CARS2: variants seen among roughly 807,000 people sequenced by gnomAD.
The protein encoded by CARS2 is probable cysteine--tRNA ligase, mitochondrial.
CARS2 carries 52 observed loss-of-function variants against 68.8 expected under a neutral mutation model. The observed-to-expected ratio is 0.76, with a 90% CI of 0.61 to 0.95. The LOEUF is 0.95. Ranked by LOEUF, CARS2 falls within the 40% of genes least tolerant of loss-of-function variation. CARS2 has a pLI of 0.00. For missense variants in CARS2, 780 were observed against 754.2 expected, an observed-to-expected ratio of 1.03 and a Z score of -0.40; for synonymous variants, 314 against 303.6, an observed-to-expected ratio of 1.03 and a Z score of -0.36.
rs1179320630 is a variant in CARS2 at position 110,653,698 on chromosome 13, G to C, written c.988-2598C>G. ...TCTTGCGGGGGCGGGCGCTACTGCA[G>C]CGAGCTATAGTAGTAGTTCTAATAG... On this transcript the variant is annotated intron_variant, in intron 9 of 14. Transcript: ENST00000257347. This position sits in a 1 kb window ranked among gnomAD's most constrained non-coding sequence, Gnocchi z 5.6. Among the ~76,000 whole-genome samples the C allele has an allele frequency of 6.6e-6, 1 of 152,222 alleles. No homozygotes were observed. The highest frequency in any genetic ancestry group is 1.5e-5 in the Non-Finnish European group (1 of 68,042).
intron 11 of CARS2, chr13:110,646,763 A>C: frequency 4.0e-6 from 1 of 247,260 alleles, no homozygotes. Flanking sequence ...CCCCAGGCAC[A>C]CTTCCTGCCA....
In CARS2 at chr13:110,665,059, G is replaced by A. The variant is rs545174092; in HGVS notation, c.920-1541C>T. On this transcript the variant is annotated intron_variant, in intron 8 of 14. Transcript: ENST00000257347. The surrounding 1 kb of genome is among the most constrained non-coding windows in gnomAD (Gnocchi z 4.3). Reference sequence around the variant, plus strand: ...GGAGAACAGGTGTCACTTCTCCTGCGTCAGGAGACACTGATGTTTTGTTTG... The same window carrying A: ...GGAGAACAGGTGTCACTTCTCCTGCATCAGGAGACACTGATGTTTTGTTTG... 2.6e-5 allele frequency: 26 copies of A among 985,350 alleles called. No homozygotes were observed. Among genetic ancestry groups the A allele is most frequent in the African/African-American group, 2.1e-4 (12 of 57,342 alleles). 61.0% of individuals were successfully genotyped at this position (985,350 alleles called of 1,614,324 possible). A position where few individuals can be genotyped will look rare whatever the true frequency, so the allele number is the denominator to read the frequency against.
intron 7 of CARS2, among the ~76,000 whole-genome samples, chr13:110,673,507 T>C (rs2062860618): frequency 6.6e-6 from 1 of 152,114 alleles, no homozygotes; most frequent in Non-Finnish European, 1.5e-5. Context: ...TTGACAAAAT[T>C]CAACAGCCCT....
Position 110,670,829 on chromosome 13 carries a change from G to C in CARS2, c.786-3356C>G, listed in dbSNP as rs935217127. Reference sequence around the variant, plus strand: ...TAAAAACCTTCAAAAAAGATTAGACGAATGGCTAACCAGAATAAACAGCAT... The same window carrying C: ...TAAAAACCTTCAAAAAAGATTAGACCAATGGCTAACCAGAATAAACAGCAT... On this transcript the variant is annotated intron_variant, in intron 7 of 14. Coordinates refer to ENST00000257347, the MANE Select transcript of CARS2 (RefSeq NM_024537.4). This position sits in a 1 kb window ranked among gnomAD's most constrained non-coding sequence, Gnocchi z 4.1. Among the ~76,000 whole-genome samples, 6 of 152,106 alleles carry C rather than the reference G, an allele frequency of 3.9e-5. No individual in the cohort carries two copies. The highest frequency in any genetic ancestry group is 1.4e-4 in the African/African-American group (6 of 41,410).
chr13:110,691,987 GAAAA>G (rs36121848), intron 3 of CARS2, among the ~76,000 whole-genome samples: 3 of 76,862 alleles, frequency 3.9e-5, no homozygotes, highest in African/African-American at 1.6e-4. Context: ...AAGCTGTGCA[GAAAA>G]AAAAAAAAAA....
In CARS2 at chr13:110,644,707, CAT is replaced by C. The variant is rs753744770; in HGVS notation, c.1318-226_1318-225del. The C allele has an allele frequency of 1.2e-4, 82 of 675,834 alleles. 1 individual carries two copies. Among genetic ancestry groups the C allele is most frequent in the Non-Finnish European group, 1.6e-4 (70 of 433,996 alleles). The allele number at this position is 675,834 out of a possible 1,614,324, so 41.9% of individuals were successfully genotyped here. The stretch of plus-strand genomic sequence containing the variant: ...CTTGTGCCTCAGTTTACCCATCAGT[CAT>C]GTGGGTGGTGACTAGCTCATCAGGC... On this transcript the variant is annotated intron_variant, in intron 12 of 14. Coordinates refer to ENST00000257347, the MANE Select transcript of CARS2 (RefSeq NM_024537.4).
intron 7 of CARS2, among the ~76,000 whole-genome samples, chr13:110,671,430 A>AT (rs2062801002): frequency 6.6e-6 from 1 of 152,230 alleles, no homozygotes; most frequent in African/African-American, 2.4e-5. Context: ...AAAGAAAAGA[A>AT]TTTTTAACCC....
intron 9 of CARS2, 83 bp from the exon 10 acceptor site, chr13:110,651,183 A>C: frequency 4.3e-6 from 4 of 933,636 alleles, no homozygotes; most frequent in Non-Finnish European, 6.6e-6. Context: ...TTCTACAATT[A>C]CATAAGTTAT....
chr13:110,663,727 C>T (rs1459699024), intron 8 of CARS2: 14 of 1,328,934 alleles, frequency 1.1e-5, no homozygotes, highest in African/African-American at 1.5e-5. Flanking sequence ...TGCAGGGACA[C>T]CCAGCCCCAC....
chr13:110,712,963 C>T lies in CARS2; in HGVS notation n.399+174G>A, dbSNP rs115915862. Reference sequence around the variant, plus strand: ...CGCCTAGGCTGCTGGGAGTGGTGGTCCGGCCGCGGAATGGGTAGGTCTCCC... The same window carrying T: ...CGCCTAGGCTGCTGGGAGTGGTGGTTCGGCCGCGGAATGGGTAGGTCTCCC... On this transcript the variant is annotated intron_variant and non_coding_transcript_variant, in intron 1 of 2. Transcript: ENST00000485188. 8.6e-4 allele frequency: 1,349 copies of T among 1,559,976 alleles called. 13 individuals carry two copies. The African/African-American group carries it at 0.016, about 18-fold the overall frequency.
intron 9 of CARS2, among the ~76,000 whole-genome samples, chr13:110,660,172 T>C (rs568780576): frequency 1.3e-5 from 2 of 152,216 alleles, no homozygotes; most frequent in Admixed American, 6.5e-5. Context: ...TATCATGAGG[T>C]TGCAGCAGTT....
At chr13:110,666,172 G>A (rs1374742808) in intron 8 of CARS2, 1 of 985,272 alleles carries the variant, frequency 1.0e-6, no homozygotes, top group African/African-American at 1.7e-5. Context: ...TCGGCTCCCT[G>A]AGGGGCGATG....
intron 3 of CARS2, among the ~76,000 whole-genome samples, chr13:110,697,431 C>T (rs992656467): frequency 1.4e-4 from 22 of 152,178 alleles, no homozygotes; most frequent in African/African-American, 4.1e-4. Flanking sequence ...CTAGCAATTC[C>T]GCTTTGGAAA....
Position 110,677,069 on chromosome 13 carries a change from G to A in CARS2, c.690C>T (p.Ala230=). 1 of 1,610,458 alleles carries A rather than the reference G, an allele frequency of 6.2e-7. No homozygotes were observed. Among genetic ancestry groups the A allele is most frequent in the Non-Finnish European group, 8.5e-7 (1 of 1,177,542 alleles). Residue 230 remains alanine, a synonymous_variant, in exon 7 of 15, where the codon GCC becomes GCT. Coordinates refer to ENST00000257347, the MANE Select transcript of CARS2 (RefSeq NM_024537.4). ...CCTGGGGTTTGGCCGCCTTCCACAG[G>A]GCGAAGTCACTGGCATGACGCTTGT... ...DSDKRHASDF[A]LWKAAKPQEV...
chr13:110,684,519 G>C (rs80030913), intron 5 of CARS2, among the ~76,000 whole-genome samples: 13,876 of 150,970 alleles, frequency 0.092, 827 homozygotes, highest in Middle Eastern at 0.14. Flanking sequence ...GGACAGGGCA[G>C]GGTTTTCTGT....
At chr13:110,669,230 C>T (rs1254108970) in intron 7 of CARS2, among the ~76,000 whole-genome samples, 3 of 152,128 alleles carry the variant, frequency 2.0e-5, no homozygotes, top group African/African-American at 4.8e-5. Flanking sequence ...ATAGGCAGGT[C>T]GTGGGGGACA....
chr13:110,692,077 CAT>C (rs1184399059), intron 3 of CARS2, among the ~76,000 whole-genome samples: 3 of 141,408 alleles, frequency 2.1e-5, no homozygotes, highest in Non-Finnish European at 3.0e-5. Context: ...TACACACATA[CAT>C]ATATATACAC....
intron 12 of CARS2, chr13:110,645,581 G>A (rs1887996216): frequency 1.9e-5 from 3 of 159,474 alleles, no homozygotes; most frequent in South Asian, 1.9e-4. Context: ...TCATCACACT[G>A]GGGTGCAGAT....
At position 110,695,591 on chromosome 13, in the gene CARS2, C is replaced by G. The variant is rs1420853316; in HGVS notation, c.393+5847G>C. On this transcript the variant is annotated intron_variant, in intron 3 of 14. Coordinates refer to ENST00000257347, the MANE Select transcript of CARS2 (RefSeq NM_024537.4). ...AAAAGGAAGGAACTTCCGGCACAGG[C>G]TGCAGGTGGATGAACCTTGAGGAAT... 2.0e-5 allele frequency among the ~76,000 whole-genome samples: 3 copies of G among 152,246 alleles called. No homozygotes were observed. In the East Asian group the frequency reaches 5.8e-4, roughly 29 times the overall value.
Sources: gnomAD v4.1 joint callset for allele counts (sites outside exome capture counted in the v4.1 genomes callset) on GRCh38, gnomAD v4.1.1 for gene constraint, Gnocchi (gnomAD v3.1) non-coding constraint, MANE v1.5 for transcripts, NCBI Gene and HGNC (gene_info 2026-07-23, HGNC 2026-07-21) for gene names.